Variants in HERC2 observed in about 807,000 individuals in gnomAD.
HERC2 encodes HECT and RLD domain containing E3 ubiquitin protein ligase 2.
HERC2 carries 102 observed loss-of-function variants against 537.7 expected under a neutral mutation model. The observed-to-expected ratio is 0.19, with a 90% confidence interval of 0.16 to 0.22. HERC2 has a LOEUF of 0.22. HERC2 is among the 10% of genes least tolerant of loss of function. The probability of loss-of-function intolerance (pLI) is 1.00; values close to 1 mark genes in which losing one functional copy is unlikely to be tolerated. For missense variants in HERC2, 4,236 were observed against 6,198.2 expected, an observed-to-expected ratio of 0.68 and a Z score of 10.63; for synonymous variants, 2,224 against 2,466.2, an observed-to-expected ratio of 0.90 and a Z score of 2.91.
chr15:28,214,592 C>G, intron 40 of HERC2, 63 bp downstream of exon 40: 1 of 1,586,966 alleles, frequency 6.3e-7, no homozygotes, highest in Non-Finnish European at 8.6e-7. Context: ...AACGGCCACC[C>G]ACCTGAGTGA....
intron 78 of HERC2, among the ~76,000 whole-genome samples, chr15:28,136,948 A>G (rs1380141483): frequency 6.6e-6 from 1 of 152,218 alleles, no homozygotes; most frequent in Non-Finnish European, 1.5e-5. Context: ...CTGAGACATA[A>G]CAAATGATGG....
At chr15:28,310,714 T>A (rs1476235495) in intron 2 of HERC2, among the ~76,000 whole-genome samples, 1 of 152,024 alleles carries the variant, frequency 6.6e-6, no homozygotes, top group Non-Finnish European at 1.5e-5. Flanking sequence ...CTTTAGGCAC[T>A]CAAGGGAATA....
At chr15:28,232,586 G>A (rs1360540206) in intron 30 of HERC2, among the ~76,000 whole-genome samples, 2 of 151,260 alleles carry the variant, frequency 1.3e-5, no homozygotes, top group Admixed American at 6.6e-5. Flanking sequence ...AGAAATTTCT[G>A]TAGTTTATTT....
At chr15:28,261,228 TCTC>T (rs2075407281) in intron 15 of HERC2, among the ~76,000 whole-genome samples, 1 of 152,146 alleles carries the variant, frequency 6.6e-6, no homozygotes, top group South Asian at 2.1e-4. Flanking sequence ...TGTTTTTTTT[TCTC>T]CTCCTCATTC....
intron 30 of HERC2, among the ~76,000 whole-genome samples, chr15:28,231,933 CG>C (rs898069903): frequency 2.0e-5 from 3 of 152,042 alleles, no homozygotes; most frequent in African/African-American, 7.2e-5. Context: ...TCAGAACCCA[CG>C]GATATGAGAT....
At chr15:28,174,014 C>T (rs1894978771) in intron 65 of HERC2, among the ~76,000 whole-genome samples, 1 of 151,678 alleles carries the variant, frequency 6.6e-6, no homozygotes, top group Non-Finnish European at 1.5e-5. Flanking sequence ...ATTCCAAAGT[C>T]AATCAAAATG....
At chr15:28,288,649 G>A (rs990287312) in intron 4 of HERC2, among the ~76,000 whole-genome samples, 4 of 151,050 alleles carry the variant, frequency 2.6e-5, no homozygotes, top group South Asian at 2.1e-4. Context: ...AGTTCAAGGC[G>A]AGCCTGGCAA....
intron 14 of HERC2, 111 bp from the exon 15 acceptor site, chr15:28,263,280 TACA>T: frequency 8.3e-7 from 1 of 1,198,066 alleles, no homozygotes; most frequent in Non-Finnish European, 1.2e-6. Context: ...ACCACTCAGG[TACA>T]TAGTTAACAC....
chr15:28,144,281 A>C, intron 72 of HERC2, 46 bp from the exon 73 acceptor site: 1 of 1,596,538 alleles, frequency 6.3e-7, no homozygotes, highest in South Asian at 1.1e-5. Context: ...CAAGCTAGGT[A>C]CCACCCCATA....
At chr15:28,310,223 A>T (rs1596461018) in intron 2 of HERC2, among the ~76,000 whole-genome samples, 1 of 152,350 alleles carries the variant, frequency 6.6e-6, no homozygotes, top group Middle Eastern at 3.4e-3. Context: ...AGGCAGGTGA[A>T]TTGTTTGAGC....
At chr15:28,205,330 G>A (rs140277325) in intron 45 of HERC2, among the ~76,000 whole-genome samples, 506 of 103,126 alleles carry the variant, frequency 4.9e-3, no homozygotes, top group African/African-American at 0.022. Context: ...CTGCCAGGGA[G>A]ACTGGAAACA....
At chr15:28,284,839 C>G (rs559430572) in intron 4 of HERC2, among the ~76,000 whole-genome samples, 1 of 136,554 alleles carries the variant, frequency 7.3e-6, no homozygotes, top group Non-Finnish European at 1.5e-5. Context: ...CACTTGAACC[C>G]GGTGGGGTTG....
At chr15:28,134,527 T>C (rs1890421268) in intron 79 of HERC2, among the ~76,000 whole-genome samples, 1 of 152,208 alleles carries the variant, frequency 6.6e-6, no homozygotes, top group South Asian at 2.1e-4. Context: ...GCAGACATCC[T>C]TGCCTTGATC....
intron 2 of HERC2, chr15:28,315,849 G>A: frequency 1.0e-5 from 6 of 588,780 alleles, no homozygotes; most frequent in South Asian, 9.4e-5. Context: ...GGTACAAGTT[G>A]TGGGACTGCA....
Position 28,186,609 on chromosome 15 carries a change from T to C in HERC2, c.8793A>G (p.Glu2931=), listed in dbSNP as rs1896334231. 1 of 1,614,076 alleles carries C rather than the reference T, an allele frequency of 6.2e-7. No individual in the cohort carries two copies. Among genetic ancestry groups the C allele is most frequent in the South Asian group, 1.1e-5 (1 of 91,036 alleles). ...AAVPFLASDN[E]EEEDEKGNSG... The stretch of plus-strand genomic sequence containing the variant: ...TGTTGCCTTTCTCATCCTCCTCCTC[T>C]TCATTATCCGAAGCTAAGAAAGGAA... Residue 2931 remains glutamate, a synonymous_variant, in exon 56 of 93, where the codon GAA becomes GAG. Coordinates refer to ENST00000261609, the MANE Select transcript of HERC2 (RefSeq NM_004667.6).
Position 28,265,572 on chromosome 15 carries a change from T to C in HERC2, c.1870+46A>G. The C allele has an allele frequency of 1.3e-6, 2 of 1,503,596 alleles. No individual in the cohort carries two copies. The highest frequency in any genetic ancestry group is 1.8e-6 in the Non-Finnish European group (2 of 1,081,558). 93.1% of individuals were successfully genotyped at this position (1,503,596 alleles called of 1,614,324 possible). A position where few individuals can be genotyped will look rare whatever the true frequency, so the allele number is the denominator to read the frequency against. ...CTCACTTCCTCCAGGGAAGCTGCCA[T>C]GCGTGTCCTCGTGGGCCTGTCCAGG... On this transcript the variant is annotated intron_variant, in intron 14 of 92. Coordinates refer to ENST00000261609, the MANE Select transcript of HERC2 (RefSeq NM_004667.6). This position sits in a 1 kb window ranked among gnomAD's most constrained non-coding sequence, Gnocchi z 4.0.
Position 28,111,938 on chromosome 15 carries a change from A to G in HERC2, c.14330T>C (p.Leu4777Pro). 6.2e-7 allele frequency: 1 copy of G among 1,614,198 alleles called. No homozygotes were observed. Among genetic ancestry groups the G allele is most frequent in the South Asian group, 1.1e-5 (1 of 91,082 alleles). ...KLPRYSCKQV[L>P]EEKLKYAIHF... Reference sequence around the variant, plus strand: ...GATGGCGTACTTGAGCTTCTCCTCCAGCACCTGCTTGCAGGAATACCTGGG... The same window carrying G: ...GATGGCGTACTTGAGCTTCTCCTCCGGCACCTGCTTGCAGGAATACCTGGG... Residue 4777 changes from leucine to proline, a missense_variant, in exon 93 of 93, where the codon CTG becomes CCG. Around this residue, in one of 27 missense-constraint regions of HERC2, gnomAD observed 313 missense variants for 462.6 expected, o/e 0.68. Transcript: ENST00000261609.
At chr15:28,228,541 A>G (rs1405828025) in intron 34 of HERC2, 132 bp from the exon 35 acceptor site, 8 of 851,914 alleles carry the variant, frequency 9.4e-6, no homozygotes, top group Non-Finnish European at 1.5e-5. Context: ...GCATGGATGC[A>G]AGAATAAACG....
intron 86 of HERC2, among the ~76,000 whole-genome samples, chr15:28,118,668 G>A (rs892296931): frequency 4.6e-5 from 7 of 152,176 alleles, no homozygotes; most frequent in Admixed American, 2.6e-4. Flanking sequence ...CTTGGGAGGC[G>A]TGTCCCTGAG....
Sources: allele counts gnomAD v4.1 joint callset (sites outside exome capture counted in the v4.1 genomes callset), GRCh38; gene constraint gnomAD v4.1.1; regional missense constraint gnomAD v4.1.1; non-coding constraint Gnocchi (gnomAD v3.1); transcripts MANE v1.5; gene names NCBI Gene and HGNC (gene_info 2026-07-23, HGNC 2026-07-21).